SMOC1: variants seen among roughly 807,000 people sequenced by gnomAD.
SMOC1 encodes SPARC related modular calcium binding 1, also known as SPARC-related modular calcium-binding protein 1.
Under a neutral mutation model 56.3 loss-of-function variants are expected in SMOC1, and 22 were observed. That is an observed-to-expected ratio of 0.39 (90% CI 0.28 to 0.56). SMOC1 has a LOEUF of 0.56. SMOC1 is among the 20% of genes least tolerant of loss of function. The pLI, the probability that SMOC1 is intolerant of heterozygous loss-of-function variation, is 0.61. For missense variants in SMOC1, 509 were observed against 565.4 expected, an observed-to-expected ratio of 0.90 and a Z score of 1.01; for synonymous variants, 193 against 215.0, an observed-to-expected ratio of 0.90 and a Z score of 0.89.
chr14:69,974,120 G>A (rs993930519), intron 3 of SMOC1, among the ~76,000 whole-genome samples: 3 of 152,170 alleles, frequency 2.0e-5, no homozygotes, highest in Admixed American at 6.5e-5. Flanking sequence ...TGAATGTCAG[G>A]CATTATGTTA....
At chr14:69,886,099 C>T (rs61980565) in intron 1 of SMOC1, 72,931 of 1,555,314 alleles carry the variant, frequency 0.047, 1,983 homozygotes, top group Non-Finnish European at 0.053. Flanking sequence ...CAGCTGGGGC[C>T]GGAGCCACCT....
Position 69,900,378 on chromosome 14 carries a change from A to G in SMOC1, c.99+20601A>G, listed in dbSNP as rs574052822. Among the ~76,000 whole-genome samples the G allele has an allele frequency of 1.4e-4, 22 of 152,334 alleles. 1 individual carries two copies. The South Asian group carries it at 4.6e-3, about 32-fold the overall frequency. Reference sequence around the variant, plus strand: ...ACGTTCTACAAAAATTTATTGAGCTACTGCTATGTGCCAGCTAGTGTTCTA... The same window carrying G: ...ACGTTCTACAAAAATTTATTGAGCTGCTGCTATGTGCCAGCTAGTGTTCTA... On this transcript the variant is annotated intron_variant, in intron 1 of 11. Coordinates refer to ENST00000361956, the MANE Select transcript of SMOC1 (RefSeq NM_001034852.3).
At chr14:69,980,005 G>A (rs1884116751) in intron 5 of SMOC1, among the ~76,000 whole-genome samples, 1 of 152,200 alleles carries the variant, frequency 6.6e-6, no homozygotes, top group Non-Finnish European at 1.5e-5. Flanking sequence ...TGCACCCTGT[G>A]GACAACAATG....
At chr14:69,999,351 G>A (rs1398977037) in intron 7 of SMOC1, among the ~76,000 whole-genome samples, 6 of 152,072 alleles carry the variant, frequency 3.9e-5, no homozygotes, top group Admixed American at 6.6e-5. Context: ...CTCTTGGCCC[G>A]CCTAGAAACC....
intron 3 of SMOC1, among the ~76,000 whole-genome samples, chr14:69,966,899 A>G (rs1466106450): frequency 6.6e-6 from 1 of 152,198 alleles, no homozygotes. Flanking sequence ...AGAAATCCTT[A>G]GTTCTAGCAC....
At chr14:69,960,826 T>A (rs902413403) in intron 3 of SMOC1, among the ~76,000 whole-genome samples, 12 of 149,248 alleles carry the variant, frequency 8.0e-5, no homozygotes, top group Non-Finnish European at 1.8e-4. Flanking sequence ...TGGGAAGAGT[T>A]GAACTCGTTC....
chr14:69,972,757 G>A (rs1289428669), intron 3 of SMOC1, among the ~76,000 whole-genome samples: 1 of 152,200 alleles, frequency 6.6e-6, no homozygotes, highest in Non-Finnish European at 1.5e-5. Context: ...CAGAAACAAA[G>A]CTTTGGGCTT....
At chr14:70,020,714 T>A (rs528947758) in intron 10 of SMOC1, among the ~76,000 whole-genome samples, 1 of 151,542 alleles carries the variant, frequency 6.6e-6, no homozygotes, top group East Asian at 1.9e-4. Flanking sequence ...TTGATGGGAG[T>A]GAAGAGAGTC....
At chr14:69,909,578 A>G (rs1884501811) in intron 1 of SMOC1, among the ~76,000 whole-genome samples, 1 of 152,200 alleles carries the variant, frequency 6.6e-6, no homozygotes, top group South Asian at 2.1e-4. Flanking sequence ...GGATTTATGT[A>G]AAAGCTTTTC....
At position 69,922,943 on chromosome 14, in the gene SMOC1, T is replaced by G. The variant is rs563348670; in HGVS notation, c.100-29195T>G. Among the ~76,000 whole-genome samples, 576 of 151,290 alleles carry G rather than the reference T, an allele frequency of 3.8e-3. 5 individuals are homozygous for G. Among genetic ancestry groups the G allele is most frequent in the African/African-American group, 0.013 (547 of 40,988 alleles). On this transcript the variant is annotated intron_variant, in intron 1 of 11. Transcript: ENST00000361956. ...AGGGTCTCAGCCCTCTTTTTTTTGT[T>G]TTTTTTGTTTTTTGTTTTTTAGATG...
intron 11 of SMOC1, among the ~76,000 whole-genome samples, chr14:70,025,215 C>T (rs560015751): frequency 7.9e-5 from 12 of 152,128 alleles, no homozygotes; most frequent in Admixed American, 2.6e-4. Flanking sequence ...TGGGTGATGC[C>T]GACTTATTTG....
Position 70,010,758 on chromosome 14 carries a change from A to G in SMOC1, c.669A>G (p.Lys223=). 6.2e-7 allele frequency: 1 copy of G among 1,614,184 alleles called. No homozygotes were observed. The highest frequency in any genetic ancestry group is 1.1e-5 in the South Asian group (1 of 91,080). The change falls in exon 8 of 12, where the codon AAA becomes AAG. Residue 223 remains lysine (K), a synonymous_variant. Transcript: ENST00000361956. ...LNNTNIRNSE[K]VYSCDQERQS... is the part of the protein sequence containing the mutation. ...AGGCTGTGTCTTCTCTTGCAGAGAA[A>G]GTCTATTCGTGTGACCAGGAGAGGC... is the stretch of plus-strand genomic sequence containing the variant.
At chr14:69,966,355 A>G (rs916055239) in intron 3 of SMOC1, among the ~76,000 whole-genome samples, 1 of 152,206 alleles carries the variant, frequency 6.6e-6, no homozygotes, top group Non-Finnish European at 1.5e-5. Flanking sequence ...ATGTCTTTAT[A>G]TGTCCTTTGT....
At chr14:70,012,346 A>G (rs1014977952) in intron 9 of SMOC1, among the ~76,000 whole-genome samples, 1 of 152,242 alleles carries the variant, frequency 6.6e-6, no homozygotes, top group Non-Finnish European at 1.5e-5. Context: ...TTGAGATTCT[A>G]CTATGTGCCA....
intron 1 of SMOC1, among the ~76,000 whole-genome samples, chr14:69,935,797 G>A (rs907222347): frequency 2.0e-5 from 3 of 152,208 alleles, no homozygotes; most frequent in South Asian, 2.1e-4. Flanking sequence ...TGAGGATTGC[G>A]TCCACAGGAC....
chr14:69,882,774 T>C (rs1221921172), intron 1 of SMOC1, among the ~76,000 whole-genome samples: 2 of 152,210 alleles, frequency 1.3e-5, no homozygotes, highest in Non-Finnish European at 2.9e-5. Flanking sequence ...AGGCAGGAAC[T>C]GTTTCTGTCT....
At chr14:69,884,302 G>GT (rs199997552) in intron 1 of SMOC1, among the ~76,000 whole-genome samples, 2,405 of 151,562 alleles carry the variant, frequency 0.016, 69 homozygotes, top group African/African-American at 0.055. Flanking sequence ...ATTGTTTTTT[G>GT]TTTTTTTTGC....
At chr14:69,960,982 T>C (rs1883348713) in intron 3 of SMOC1, among the ~76,000 whole-genome samples, 1 of 152,138 alleles carries the variant, frequency 6.6e-6, no homozygotes, top group African/African-American at 2.4e-5. Flanking sequence ...AATTCACAGT[T>C]ATGCAACCAT....
intron 1 of SMOC1, among the ~76,000 whole-genome samples, chr14:69,896,248 C>A (rs555206461): frequency 6.6e-5 from 10 of 152,326 alleles, no homozygotes; most frequent in African/African-American, 2.2e-4. Flanking sequence ...TACCATTTGA[C>A]TAGCTGCCTG....
Sources: gnomAD v4.1 joint callset for allele counts (sites outside exome capture counted in the v4.1 genomes callset) on GRCh38, gnomAD v4.1.1 for gene constraint, MANE v1.5 for transcripts, NCBI Gene and HGNC (gene_info 2026-07-23, HGNC 2026-07-21) for gene names.